Variants in STAB2 observed in about 807,000 individuals in gnomAD.
The protein encoded by STAB2 is stabilin-2.
Under a neutral mutation model 338.1 loss-of-function variants are expected in STAB2, and 288 were observed. The observed-to-expected ratio is 0.85, with a 90% confidence interval of 0.77 to 0.94. The LOEUF is 0.94. STAB2 is among the 40% of genes least tolerant of loss of function. The pLI is 0.00. For synonymous variants in STAB2, 1,202 were observed against 1,193.3 expected, an observed-to-expected ratio of 1.01 and a Z score of -0.15; for missense variants, 3,141 against 3,210.1, an observed-to-expected ratio of 0.98 and a Z score of 0.52.
At chr12:103,755,579 T>C (rs374464895) in intron 62 of STAB2, 33 bp from the exon 63 acceptor site, 72 of 1,613,414 alleles carry the variant, frequency 4.5e-5, no homozygotes, top group Non-Finnish European at 5.7e-5. Context: ...CCTGCCTTAC[T>C]TGTGTGGGAC....
chr12:103,739,275 C>A, intron 53 of STAB2, 137 bp from the exon 54 acceptor site: 1 of 737,038 alleles, frequency 1.4e-6, no homozygotes, highest in South Asian at 3.0e-5. Context: ...CCATGCCTGG[C>A]CTGTTTTCAT....
chr12:103,714,001 T>C lies in STAB2; in HGVS notation c.4537+233T>C, dbSNP rs575469391. Among the ~76,000 whole-genome samples the C allele has an allele frequency of 2.6e-5, 4 of 152,334 alleles. 1 individual carries two copies. The East Asian group carries it at 7.7e-4, about 29-fold the overall frequency. On this transcript the variant is annotated intron_variant, in intron 42 of 68. Transcript: ENST00000388887. ...AGATACATTTTCCAATTAAACATCA[T>C]GGCGATGACAGAACATTTAAACTTT...
chr12:103,650,033 T>C lies in STAB2; in HGVS notation c.1175-463T>C, dbSNP rs117466226. On this transcript the variant is annotated intron_variant, in intron 10 of 68. Coordinates refer to ENST00000388887, the MANE Select transcript of STAB2 (RefSeq NM_017564.10). ...TGCTGGGCCCACTGGAAAGTGAAAA[T>C]GTAGGATTCTTTGTTCAAAATTTAT... Among the ~76,000 whole-genome samples the C allele has an allele frequency of 1.4e-4, 21 of 151,636 alleles. No homozygotes were observed. In the East Asian group the frequency reaches 3.5e-3, roughly 25 times the overall value.
chr12:103,635,739 A>G (rs1053643887), intron 6 of STAB2, among the ~76,000 whole-genome samples: 2 of 152,208 alleles, frequency 1.3e-5, no homozygotes, highest in Admixed American at 1.3e-4. Context: ...GCACTGCATG[A>G]CAGAGAGGTG....
chr12:103,663,218 T>A (rs1874777343), intron 18 of STAB2, among the ~76,000 whole-genome samples: 1 of 152,226 alleles, frequency 6.6e-6, no homozygotes, highest in South Asian at 2.1e-4. Context: ...TGATAGATGC[T>A]GCCCAGGAAT....
At chr12:103,657,121 A>G (rs560346543) in intron 15 of STAB2, among the ~76,000 whole-genome samples, 2 of 152,040 alleles carry the variant, frequency 1.3e-5, no homozygotes, top group Non-Finnish European at 2.9e-5. Flanking sequence ...TCCAAAATAG[A>G]ATGATATTTC....
chr12:103,679,360 C>T (rs778008290), intron 25 of STAB2, among the ~76,000 whole-genome samples: 2 of 151,374 alleles, frequency 1.3e-5, no homozygotes, highest in Non-Finnish European at 2.9e-5. Context: ...AAGAGCAAAA[C>T]TCTGTATCAA....
intron 35 of STAB2, among the ~76,000 whole-genome samples, 157 bp downstream of exon 35, chr12:103,703,433 G>T (rs1372867873): frequency 6.6e-6 from 1 of 152,212 alleles, no homozygotes; most frequent in African/African-American, 2.4e-5. Flanking sequence ...ATACCAGGCT[G>T]TGGTTCTACA....
intron 44 of STAB2, among the ~76,000 whole-genome samples, chr12:103,724,735 A>G (rs1293126451): frequency 1.3e-5 from 2 of 152,194 alleles, no homozygotes; most frequent in African/African-American, 4.8e-5. Flanking sequence ...TTACCTGTAC[A>G]GGGCTGGAGA....
At chr12:103,595,329 AT>A (rs1956858941) in intron 3 of STAB2, among the ~76,000 whole-genome samples, 1 of 152,056 alleles carries the variant, frequency 6.6e-6, no homozygotes, top group African/African-American at 2.4e-5. Flanking sequence ...AAAAGGAGAG[AT>A]TGGTTCTCTT....
At chr12:103,720,760 G>A (rs1880698173) in intron 44 of STAB2, among the ~76,000 whole-genome samples, 1 of 152,182 alleles carries the variant, frequency 6.6e-6, no homozygotes, top group African/African-American at 2.4e-5. Context: ...CTGAGACTGG[G>A]TAGCTTATAA....
rs144975292 is a variant in STAB2 at position 103,640,158 on chromosome 12, C to T, written c.942C>T (p.Phe314=). The T allele has an allele frequency of 6.8e-6, 11 of 1,613,508 alleles. No homozygotes were observed. The highest frequency in any genetic ancestry group is 3.3e-5 in the South Asian group (3 of 90,986). ...HCECKEHYQN[F]VPGVGCSMTD... is the part of the protein sequence containing the mutation. ...AGTGTAAGGAGCATTACCAGAATTTCGTACCTGGAGTGGGGTGCAGTATGA... is the reference window on the plus strand; with the variant it reads ...AGTGTAAGGAGCATTACCAGAATTTTGTACCTGGAGTGGGGTGCAGTATGA... Residue 314 remains phenylalanine (F), a synonymous_variant, in exon 9 of 69, where the codon TTC becomes TTT. Coordinates refer to ENST00000388887, the MANE Select transcript of STAB2 (RefSeq NM_017564.10).
intron 34 of STAB2, among the ~76,000 whole-genome samples, chr12:103,702,288 T>C (rs1014212412): frequency 1.6e-4 from 22 of 138,832 alleles, no homozygotes; most frequent in African/African-American, 5.9e-4. Flanking sequence ...TAAAAAATTA[T>C]CAGTTATTTT....
chr12:103,740,716 C>G lies in STAB2; in HGVS notation c.5841C>G (p.Ile1947Met), dbSNP rs1351387726. ...AGCGGTGCAGCCTGGTGATACAGATCCCCAGGTGCTGCAAGGGCTACTTCG... is the reference window on the plus strand; with the variant it reads ...AGCGGTGCAGCCTGGTGATACAGATGCCCAGGTGCTGCAAGGGCTACTTCG... ...CRERCSLVIQ[I>M]PRCCKGYFGR... The change falls in exon 55 of 69, where the codon ATC (isoleucine) becomes ATG (methionine). Residue 1947 changes from isoleucine to methionine, a missense_variant. By Grantham distance (10) the Ile-to-Met change is conservative. Coordinates refer to ENST00000388887, the MANE Select transcript of STAB2 (RefSeq NM_017564.10). The G allele has an allele frequency of 1.2e-6, 2 of 1,602,374 alleles. No homozygotes were observed. Among genetic ancestry groups the G allele is most frequent in the East Asian group, 4.5e-5 (2 of 44,316 alleles).
chr12:103,718,629 G>A (rs190453191), intron 44 of STAB2, among the ~76,000 whole-genome samples: 1 of 152,286 alleles, frequency 6.6e-6, no homozygotes, highest in Admixed American at 6.5e-5. Context: ...ACCAGCGGAT[G>A]GACATTAGAA....
At chr12:103,639,531 C>T (rs1453273336) in intron 8 of STAB2, among the ~76,000 whole-genome samples, 2 of 151,926 alleles carry the variant, frequency 1.3e-5, no homozygotes, top group African/African-American at 2.4e-5. Context: ...AGCGAAACCT[C>T]GTCTCTACTA....
At chr12:103,625,227 C>T (rs1474740691) in intron 5 of STAB2, among the ~76,000 whole-genome samples, 1 of 152,210 alleles carries the variant, frequency 6.6e-6, no homozygotes, top group Non-Finnish European at 1.5e-5. Context: ...ATCTCCAAGA[C>T]ACTGGTGTTG....
chr12:103,628,570 A>G (rs566452963), intron 5 of STAB2, among the ~76,000 whole-genome samples: 86 of 152,250 alleles, frequency 5.6e-4, no homozygotes, highest in Non-Finnish European at 1.0e-3. Context: ...AAGCTTCTAG[A>G]AGAAGGTCCT....
At chr12:103,646,650 A>G (rs1487964164) in intron 9 of STAB2, among the ~76,000 whole-genome samples, 2 of 152,194 alleles carry the variant, frequency 1.3e-5, no homozygotes, top group Non-Finnish European at 2.9e-5. Flanking sequence ...AAGAAGGGCA[A>G]AGTGTCTCTT....
Sources: gnomAD v4.1 joint callset for allele counts (sites outside exome capture counted in the v4.1 genomes callset) on GRCh38, gnomAD v4.1.1 for gene constraint, MANE v1.5 for transcripts, NCBI Gene and HGNC (gene_info 2026-07-23, HGNC 2026-07-21) for gene names.